Variants in RBFOX3 observed in about 807,000 individuals in gnomAD.
The protein encoded by RBFOX3 is RNA binding protein fox-1 homolog 3.
RBFOX3 carries 17 observed loss-of-function variants against 48.7 expected under a neutral mutation model. The observed-to-expected ratio is 0.35, with a 90% CI of 0.24 to 0.52. The LOEUF is 0.52. RBFOX3 is among the 20% of genes least tolerant of loss of function. RBFOX3 has a pLI of 0.94. For missense variants in RBFOX3, 382 were observed against 497.5 expected (o/e 0.77, Z 2.21); for synonymous variants, 212 against 209.5 (o/e 1.01, Z -0.10).
In RBFOX3 at chr17:79,125,337, T is replaced by C. The variant is rs572813838; in HGVS notation, c.-33-9589A>G. On this transcript the variant is annotated intron_variant, in intron 4 of 14. Transcript: ENST00000693108. ...CCACTTTGGGCCTCAGCAACTTAGT[T>C]TGTGGGATGGGGACAATGACTCATC... is the stretch of plus-strand genomic sequence containing the variant. Among the ~76,000 whole-genome samples the C allele has an allele frequency of 3.3e-5, 5 of 152,220 alleles. No individual in the cohort carries two copies. In the East Asian group the frequency reaches 9.7e-4, roughly 29 times the overall value.
chr17:79,298,962 C>T (rs528668358), intron 3 of RBFOX3, among the ~76,000 whole-genome samples: 20 of 152,252 alleles, frequency 1.3e-4, no homozygotes, highest in African/African-American at 4.6e-4. Flanking sequence ...GGCTGGGTGG[C>T]AGCACCGGGC....
intron 4 of RBFOX3, among the ~76,000 whole-genome samples, chr17:79,152,375 T>C (rs1190900577): frequency 6.6e-6 from 1 of 151,552 alleles, no homozygotes; most frequent in Non-Finnish European, 1.5e-5. Context: ...CAAAGCACTG[T>C]GCCAGCCGAG....
At chr17:79,615,622 G>A (rs912053937), upstream of RBFOX3, among the ~76,000 whole-genome samples, 7 of 152,262 alleles carry the variant, frequency 4.6e-5, no homozygotes, top group South Asian at 2.1e-4. Context: ...CGGCCGGCTC[G>A]GGCCGTGTTG....
At chr17:79,303,399 G>A (rs749280019) in intron 3 of RBFOX3, among the ~76,000 whole-genome samples, 8 of 152,076 alleles carry the variant, frequency 5.3e-5, no homozygotes, top group Admixed American at 1.3e-4. Flanking sequence ...GGGTCTCAGG[G>A]GTCTTCAGCT....
intron 2 of RBFOX3, among the ~76,000 whole-genome samples, chr17:79,379,816 G>A (rs1463058331): frequency 6.6e-6 from 1 of 152,030 alleles, no homozygotes; most frequent in East Asian, 1.9e-4. Flanking sequence ...GATGCCATCC[G>A]GGTCCTCACA....
chr17:79,579,551 CAGCACGCGCG>C (rs1476264647), intron 1 of RBFOX3, among the ~76,000 whole-genome samples: 1 of 152,088 alleles, frequency 6.6e-6, no homozygotes, highest in African/African-American at 2.4e-5. Context: ...GGAGAGCATC[CAGCACGCGCG>C]AGTGATGAAG....
At chr17:79,405,210 A>AACTGGGGCATTCTCCTCCAC (rs1242979109) in intron 2 of RBFOX3, among the ~76,000 whole-genome samples, 14 of 152,134 alleles carry the variant, frequency 9.2e-5, no homozygotes, top group Non-Finnish European at 1.8e-4. Context: ...AGCTCGATGC[A>AACTGGGGCATTCTCCTCCAC]ACTGGGGCAT....
rs781124137 is a variant in RBFOX3 at position 79,204,969 on chromosome 17, T to C, written c.-34+30797A>G. On this transcript the variant is annotated intron_variant, in intron 4 of 14. Coordinates refer to ENST00000693108, the MANE Select transcript of RBFOX3 (RefSeq NM_001350451.2). The surrounding 1 kb of genome is among the most constrained non-coding windows in gnomAD (Gnocchi z 4.5). ...CAAGTAGGGTATTGCTTGGCTTATA[T>C]AGCCAGGAAAAAATCAAGAGCTAGA... Among the ~76,000 whole-genome samples the C allele has an allele frequency of 1.3e-5, 2 of 152,098 alleles. No homozygotes were observed. The highest frequency in any genetic ancestry group is 2.9e-5 in the Non-Finnish European group (2 of 68,012).
In RBFOX3 at chr17:79,418,796, ACGGAAGACCCAGCCCCTTCC is replaced by A. The variant is rs1385668925; in HGVS notation, c.-175+63638_-175+63657del. Among the ~76,000 whole-genome samples, 5 of 152,138 alleles carry A rather than the reference ACGGAAGACCCAGCCCCTTCC, an allele frequency of 3.3e-5. No individual in the cohort carries two copies. The highest frequency in any genetic ancestry group is 2.6e-4 in the Admixed American group (4 of 15,278). ...CCCAAAAAGTGAGGGAGGACATGGC[ACGGAAGACCCAGCCCCTTCC>A]CATGCAGCCTGGTACCAGGCAGTAG... On this transcript the variant is annotated intron_variant, in intron 2 of 14. Transcript: ENST00000693108. The surrounding 1 kb of genome is among the most constrained non-coding windows in gnomAD (Gnocchi z 5.0).
chr17:79,158,631 A>C (rs2046323454), intron 4 of RBFOX3, among the ~76,000 whole-genome samples: 1 of 152,172 alleles, frequency 6.6e-6, no homozygotes, highest in Non-Finnish European at 1.5e-5. Flanking sequence ...CTTGCTAAGG[A>C]CGCCCGACCA....
chr17:79,216,887 C>T (rs1397638435), intron 4 of RBFOX3, among the ~76,000 whole-genome samples: 2 of 152,178 alleles, frequency 1.3e-5, no homozygotes, highest in Non-Finnish European at 2.9e-5. Flanking sequence ...TCCCCTGCCC[C>T]TGCCATTGAG....
chr17:79,565,899 C>G, intron 1 of RBFOX3, among the ~76,000 whole-genome samples: 1 of 152,216 alleles, frequency 6.6e-6, no homozygotes, highest in East Asian at 1.9e-4. Flanking sequence ...ATGCAACCAG[C>G]TAGCTCTGTC....
chr17:79,174,253 A>G (rs541220812), intron 4 of RBFOX3, among the ~76,000 whole-genome samples: 33 of 152,280 alleles, frequency 2.2e-4, no homozygotes, highest in Admixed American at 1.8e-3. Context: ...ACACACAGGC[A>G]CACACACAAT....
At chr17:79,207,221 A>G (rs1241559874) in intron 4 of RBFOX3, among the ~76,000 whole-genome samples, 1 of 152,212 alleles carries the variant, frequency 6.6e-6, no homozygotes, top group Non-Finnish European at 1.5e-5. Context: ...GAAGATTATC[A>G]CCCATGGTCT....
At chr17:79,351,162 C>T (rs368101697) in intron 2 of RBFOX3, among the ~76,000 whole-genome samples, 28 of 152,308 alleles carry the variant, frequency 1.8e-4, no homozygotes, top group African/African-American at 6.7e-4. Flanking sequence ...GTTCATCCAT[C>T]GACAGACACT....
chr17:79,090,976 T>G, intron 14 of RBFOX3, 91 bp from the exon 15 acceptor site: 8 of 1,271,310 alleles, frequency 6.3e-6, no homozygotes, highest in African/African-American at 1.5e-5. Context: ...ACGGGGCCCC[T>G]GGCCTAAAGT....
intron 4 of RBFOX3, among the ~76,000 whole-genome samples, chr17:79,225,317 G>T (rs2060192231): frequency 7.5e-6 from 1 of 133,012 alleles, no homozygotes; most frequent in Non-Finnish European, 1.6e-5. Flanking sequence ...TTTAGACAGG[G>T]TCTCACTCTG....
intron 4 of RBFOX3, among the ~76,000 whole-genome samples, chr17:79,210,128 C>T (rs1237307060): frequency 5.3e-5 from 8 of 152,178 alleles, no homozygotes; most frequent in Admixed American, 5.2e-4. Flanking sequence ...CTCTGGAGCC[C>T]GAGGGAAGAG....
At chr17:79,610,268 T>C (rs1248815120) in intron 1 of RBFOX3, among the ~76,000 whole-genome samples, 1 of 151,854 alleles carries the variant, frequency 6.6e-6, no homozygotes, top group African/African-American at 2.4e-5. Context: ...CAGGGCTCTC[T>C]CCGGGCCTGG....
Sources: allele counts gnomAD v4.1 joint callset (sites outside exome capture counted in the v4.1 genomes callset), GRCh38; gene constraint gnomAD v4.1.1; non-coding constraint Gnocchi (gnomAD v3.1); transcripts MANE v1.5; gene names NCBI Gene and HGNC (gene_info 2026-07-23, HGNC 2026-07-21).